The following KSR1 variants were observed in gnomAD, a reference collection of about 807,000 sequenced individuals.
KSR1 encodes the protein kinase suppressor of ras.
In KSR1, 35 loss-of-function variants were observed where a neutral mutation model predicts 92.9. That is an observed-to-expected ratio of 0.38 (90% confidence interval 0.29 to 0.50). The LOEUF is 0.50. Among genes scored for constraint, KSR1 ranks in the 20% least tolerant of loss-of-function variants. The probability of loss-of-function intolerance (pLI) is 0.94; values close to 1 mark genes in which losing one functional copy is unlikely to be tolerated. For synonymous variants in KSR1, 467 were observed against 472.6 expected, an observed-to-expected ratio of 0.99 and a Z score of 0.15; for missense variants, 972 against 1,158.5, an observed-to-expected ratio of 0.84 and a Z score of 2.34.
intron 1 of KSR1, among the ~76,000 whole-genome samples, chr17:27,517,308 A>G (rs987520810): frequency 2.0e-5 from 3 of 152,174 alleles, no homozygotes; most frequent in African/African-American, 7.2e-5. Flanking sequence ...CAGGTCTTTA[A>G]TAACTCTTTT....
In KSR1 at chr17:27,610,130, C is replaced by T. The variant is rs369797872; in HGVS notation, c.2289C>T (p.Arg763=). ...GCTATCTGGCCCCTGAGATTGTACG[C>T]GAGATGACCCCCGGGAAGGACGAGG... ...WLCYLAPEIV[R]EMTPGKDEDQ... The change falls in exon 17 of 21, where the codon CGC becomes CGT. Residue 763 remains arginine, a synonymous_variant. Coordinates refer to ENST00000644974, the MANE Select transcript of KSR1 (RefSeq NM_001394583.1). The T allele has an allele frequency of 4.9e-5, 79 of 1,613,890 alleles. No individual in the cohort carries two copies. The highest frequency in any genetic ancestry group is 8.0e-5 in the African/African-American group (6 of 74,938).
At chr17:27,512,013 T>G (rs2069619439) in intron 1 of KSR1, among the ~76,000 whole-genome samples, 1 of 152,228 alleles carries the variant, frequency 6.6e-6, no homozygotes. Flanking sequence ...GTCATGTGTA[T>G]GTTAAGTTAG....
chr17:27,615,969 G>A (rs1223572646), intron 18 of KSR1, among the ~76,000 whole-genome samples: 1 of 152,202 alleles, frequency 6.6e-6, no homozygotes, highest in Non-Finnish European at 1.5e-5. Flanking sequence ...GAAGTCTGGT[G>A]TTGGTCTGAT....
Position 27,577,939 on chromosome 17 carries a change from T to G in KSR1, c.520+300T>G. On this transcript the variant is annotated intron_variant, in intron 3 of 20. Transcript: ENST00000644974. The surrounding 1 kb of genome is among the most constrained non-coding windows in gnomAD (Gnocchi z 4.5). ...TTTCCTCTCTGTTGAGGGCTCTGTGTACCCTCTGCCAGCTTCCCACATTCC... is the reference window on the plus strand; with the variant it reads ...TTTCCTCTCTGTTGAGGGCTCTGTGGACCCTCTGCCAGCTTCCCACATTCC... 2 of 480,224 alleles carry G rather than the reference T, an allele frequency of 4.2e-6. No individual in the cohort carries two copies. Among genetic ancestry groups the G allele is most frequent in the Non-Finnish European group, 7.7e-6 (2 of 259,956 alleles). 29.7% of individuals were successfully genotyped at this position (480,224 alleles called of 1,614,324 possible). A position where few individuals can be genotyped will look rare whatever the true frequency, so the allele number is the denominator to read the frequency against.
chr17:27,604,035 G>A (rs2073662447), intron 12 of KSR1, 147 bp downstream of exon 12: 1 of 787,956 alleles, frequency 1.3e-6, no homozygotes, highest in Admixed American at 2.2e-5. Context: ...CTGGGCAAGT[G>A]AACTCCACAG....
intron 1 of KSR1, among the ~76,000 whole-genome samples, chr17:27,536,763 C>A (rs2070766270): frequency 6.6e-6 from 1 of 152,350 alleles, no homozygotes; most frequent in East Asian, 1.9e-4. Context: ...GCACCTGACC[C>A]TGGGTGGGGA....
intron 1 of KSR1, among the ~76,000 whole-genome samples, chr17:27,486,973 A>G (rs929322345): frequency 6.6e-6 from 1 of 152,164 alleles, no homozygotes; most frequent in African/African-American, 2.4e-5. Context: ...TGATGCTGAA[A>G]CACACTGGAG....
rs372109015 is a variant in KSR1, at chr17:27,601,847, C to T, written c.1510+446C>T. 40 of 1,448,762 alleles carry T rather than the reference C, an allele frequency of 2.8e-5. No homozygotes were observed. In the Admixed American group the frequency reaches 2.8e-4, roughly 10 times the overall value. The allele number at this position is 1,448,762 out of a possible 1,614,324, so 89.7% of individuals were successfully genotyped here. A position where few individuals can be genotyped will look rare whatever the true frequency, so the allele number is the denominator to read the frequency against. On this transcript the variant is annotated intron_variant, in intron 11 of 20. Coordinates refer to ENST00000644974, the MANE Select transcript of KSR1 (RefSeq NM_001394583.1). ...GTAGAAACCCATTTGGGAAGGTCTG[C>T]GGGCTTCTCTTAGTGGGCTTCACCC...
chr17:27,488,115 C>T (rs574311451), intron 1 of KSR1, among the ~76,000 whole-genome samples: 4 of 152,332 alleles, frequency 2.6e-5, no homozygotes, highest in Non-Finnish European at 5.9e-5. Flanking sequence ...TGTGCATGTG[C>T]ACCCATAAAT....
chr17:27,477,690 C>T (rs1304860709), intron 1 of KSR1, among the ~76,000 whole-genome samples: 1 of 151,876 alleles, frequency 6.6e-6, no homozygotes, highest in Non-Finnish European at 1.5e-5. Flanking sequence ...ACGCCAGATG[C>T]TTCAGGGGAA....
In KSR1 at chr17:27,610,313, A is replaced by G. The variant is rs547820391; in HGVS notation, c.2357+115A>G. The G allele has an allele frequency of 2.1e-5, 30 of 1,434,722 alleles. No individual in the cohort carries two copies. The African/African-American group carries it at 3.7e-4, about 18-fold the overall frequency. The allele number at this position is 1,434,722 out of a possible 1,614,324, so 88.9% of individuals were successfully genotyped here. A position where few individuals can be genotyped will look rare whatever the true frequency, so the allele number is the denominator to read the frequency against. On this transcript the variant is annotated intron_variant, in intron 17 of 20. Coordinates refer to ENST00000644974, the MANE Select transcript of KSR1 (RefSeq NM_001394583.1). ...GTGTTGAAAACCCAGGCTCTGGAGT[A>G]AAAAATCAACCTTGAGTCCTGGCTC...
In KSR1 at chr17:27,599,940, T is replaced by C. The variant is rs545425898; in HGVS notation, c.1469-1420T>C. ...AGCCTAGGCCTGTGCAGCCTCAGGA[T>C]CATCAATATCACTGTCTTCCACCTC... On this transcript the variant is annotated intron_variant, in intron 10 of 20. Transcript: ENST00000644974. Among the ~76,000 whole-genome samples, 557 of 152,216 alleles carry C rather than the reference T, an allele frequency of 3.7e-3. 16 individuals carry two copies. The highest frequency in any genetic ancestry group is 9.4e-3 in the South Asian group (45 of 4,812).
At chr17:27,527,181 C>A in intron 1 of KSR1, 1 of 256,396 alleles carries the variant, frequency 3.9e-6, no homozygotes, top group South Asian at 5.2e-5. Context: ...TTTTCTAGTT[C>A]TGAGAAGTAT....
At chr17:27,483,117 A>G (rs1467090055) in intron 1 of KSR1, among the ~76,000 whole-genome samples, 1 of 152,208 alleles carries the variant, frequency 6.6e-6, no homozygotes. Flanking sequence ...CAGGTAAAAA[A>G]ATAGATTTTT....
chr17:27,502,267 C>T (rs970752984), intron 1 of KSR1, among the ~76,000 whole-genome samples: 1 of 152,142 alleles, frequency 6.6e-6, no homozygotes, highest in Admixed American at 6.5e-5. Context: ...GGTGTAGCCT[C>T]GACCATCCTG....
chr17:27,522,704 G>A (rs2070091521), intron 1 of KSR1, among the ~76,000 whole-genome samples: 1 of 152,148 alleles, frequency 6.6e-6, no homozygotes, highest in Admixed American at 6.5e-5. Flanking sequence ...GAATGCAAAG[G>A]ACTAATCCAC....
At chr17:27,590,153 C>A (rs2073112955) in intron 6 of KSR1, among the ~76,000 whole-genome samples, 1 of 152,210 alleles carries the variant, frequency 6.6e-6, no homozygotes, top group African/African-American at 2.4e-5. Context: ...TTAGTTCTCC[C>A]TAGTTGACAG....
chr17:27,552,264 G>A (rs77826270), intron 2 of KSR1, among the ~76,000 whole-genome samples: 4 of 152,278 alleles, frequency 2.6e-5, no homozygotes, highest in South Asian at 2.1e-4. Context: ...CCTGGGATGC[G>A]AGCACCATGA....
chr17:27,605,999 G>A (rs1279504100), intron 14 of KSR1, among the ~76,000 whole-genome samples, 186 bp downstream of exon 14: 1 of 152,204 alleles, frequency 6.6e-6, no homozygotes, highest in East Asian at 1.9e-4. Context: ...AATAAATATG[G>A]GCTGGTGCAG....
Sources: allele counts gnomAD v4.1 joint callset (sites outside exome capture counted in the v4.1 genomes callset), GRCh38; gene constraint gnomAD v4.1.1; non-coding constraint Gnocchi (gnomAD v3.1); transcripts MANE v1.5; gene names NCBI Gene and HGNC (gene_info 2026-07-23, HGNC 2026-07-21).